Variants in SLC24A2 observed in about 807,000 individuals in gnomAD.
The protein encoded by SLC24A2 is solute carrier family 24 member 2.
SLC24A2 carries 36 observed loss-of-function variants against 62.0 expected under a neutral mutation model. The ratio of observed to expected loss-of-function variants is 0.58; its 90% CI spans 0.44 to 0.77. SLC24A2 has a LOEUF of 0.77. Among genes scored for constraint, SLC24A2 ranks in the 30% least tolerant of loss-of-function variants. The probability of loss-of-function intolerance (pLI) is 0.00; values close to 1 mark genes in which losing one functional copy is unlikely to be tolerated. For synonymous variants in SLC24A2, 358 were observed against 294.0 expected, an observed-to-expected ratio of 1.22 and a Z score of -2.23; for missense variants, 846 against 817.9, an observed-to-expected ratio of 1.03 and a Z score of -0.42.
chr9:20,157,308 G>A, the SLC24A2 span, among the ~76,000 whole-genome samples: 1 of 151,256 alleles, frequency 6.6e-6, no homozygotes, highest in East Asian at 2.0e-4. Flanking sequence ...TGAAAAAAAA[G>A]CCACGAATTT....
intron 2 of SLC24A2, among the ~76,000 whole-genome samples, chr9:19,695,828 C>T (rs1418447375): frequency 6.6e-6 from 1 of 151,892 alleles, no homozygotes. Context: ...AATACAGATA[C>T]ACTTCATAAA....
the SLC24A2 span, among the ~76,000 whole-genome samples, chr9:20,140,411 C>G: frequency 6.6e-6 from 1 of 152,184 alleles, no homozygotes; most frequent in Admixed American, 6.5e-5. Flanking sequence ...TGTGCCATAG[C>G]TGGGCACAGC....
chr9:20,027,533 G>A, the SLC24A2 span, among the ~76,000 whole-genome samples: 1 of 152,136 alleles, frequency 6.6e-6, no homozygotes, highest in Non-Finnish European at 1.5e-5. Flanking sequence ...ATTACGTTAA[G>A]TAAAATAAGC....
At chr9:19,801,194 GGTGAGTGTTT>G in the SLC24A2 span, among the ~76,000 whole-genome samples, 1 of 152,320 alleles carries the variant, frequency 6.6e-6, no homozygotes, top group East Asian at 1.9e-4. Flanking sequence ...TGGGCCATGC[GGTGAGTGTTT>G]TAGCTCTATT....
At chr9:20,273,107 T>C in the SLC24A2 span, among the ~76,000 whole-genome samples, 2 of 152,210 alleles carry the variant, frequency 1.3e-5, no homozygotes, top group African/African-American at 4.8e-5. Flanking sequence ...ACAGAGGATG[T>C]GGACAGCCCA....
the SLC24A2 span, among the ~76,000 whole-genome samples, chr9:20,118,548 T>A: frequency 3.3e-5 from 5 of 152,152 alleles, no homozygotes; most frequent in African/African-American, 1.2e-4. Flanking sequence ...TAAGTTTTTT[T>A]TTATTTTTTA....
chr9:20,100,147 G>C, the SLC24A2 span, among the ~76,000 whole-genome samples: 33 of 152,054 alleles, frequency 2.2e-4, no homozygotes. Flanking sequence ...CCATAGCTGG[G>C]ATGGCAGGCG....
At chr9:20,275,222 G>C in the SLC24A2 span, among the ~76,000 whole-genome samples, 1 of 152,148 alleles carries the variant, frequency 6.6e-6, no homozygotes, top group Non-Finnish European at 1.5e-5. Flanking sequence ...AACAAGTGAG[G>C]AGAGAGAAGA....
chr9:19,754,274 A>G (rs575415821), intron 2 of SLC24A2, among the ~76,000 whole-genome samples: 34 of 152,260 alleles, frequency 2.2e-4, no homozygotes, highest in African/African-American at 8.2e-4. Flanking sequence ...TCTAAGAGCC[A>G]GTCTCTTCCT....
intron 8 of SLC24A2, among the ~76,000 whole-genome samples, chr9:19,529,716 G>A (rs1475682941): frequency 6.6e-6 from 1 of 151,074 alleles, no homozygotes; most frequent in East Asian, 1.9e-4. Context: ...AAATAAAAAG[G>A]TAATCATTTT....
the SLC24A2 span, among the ~76,000 whole-genome samples, chr9:19,970,164 G>A: frequency 7.2e-5 from 11 of 152,276 alleles, no homozygotes; most frequent in Middle Eastern, 3.4e-3. Flanking sequence ...GATATGACCA[G>A]GTAGCTCCTT....
chr9:19,679,343 T>A (rs992458235), intron 2 of SLC24A2, among the ~76,000 whole-genome samples: 1 of 152,178 alleles, frequency 6.6e-6, no homozygotes, highest in African/African-American at 2.4e-5. Context: ...AAAACACACC[T>A]TCCTTAGAGG....
At chr9:19,609,489 C>T (rs1475126440) in intron 4 of SLC24A2, among the ~76,000 whole-genome samples, 1 of 152,190 alleles carries the variant, frequency 6.6e-6, no homozygotes, top group Non-Finnish European at 1.5e-5. Flanking sequence ...AAGTGTTGGA[C>T]ACTAGGACTG....
the SLC24A2 span, among the ~76,000 whole-genome samples, chr9:20,098,032 C>T: frequency 1.8e-3 from 270 of 152,022 alleles, 2 homozygotes; most frequent in African/African-American, 6.1e-3. Context: ...GGAGCCACCG[C>T]GCCTGGCCCG....
the SLC24A2 span, among the ~76,000 whole-genome samples, chr9:19,887,755 A>G: frequency 6.6e-6 from 1 of 152,170 alleles, no homozygotes; most frequent in Non-Finnish European, 1.5e-5. Flanking sequence ...TAAATATGGA[A>G]CCAGCCCAAA....
At chr9:20,135,495 G>A in the SLC24A2 span, among the ~76,000 whole-genome samples, 37 of 151,932 alleles carry the variant, frequency 2.4e-4, no homozygotes, top group Non-Finnish European at 5.3e-4. Context: ...TAATTGCAGA[G>A]AGCACTTAGC....
At chr9:20,080,406 G>T in the SLC24A2 span, among the ~76,000 whole-genome samples, 1 of 152,134 alleles carries the variant, frequency 6.6e-6, no homozygotes, top group African/African-American at 2.4e-5. Flanking sequence ...AATGGTGCTG[G>T]GAAAACTGGC....
At chr9:20,030,866 T>C in the SLC24A2 span, among the ~76,000 whole-genome samples, 2 of 152,102 alleles carry the variant, frequency 1.3e-5, no homozygotes, top group Non-Finnish European at 2.9e-5. Context: ...TATCCCTTAA[T>C]ATGTCATTCT....
At chr9:19,671,915 T>C (rs1819429559) in intron 2 of SLC24A2, among the ~76,000 whole-genome samples, 1 of 146,520 alleles carries the variant, frequency 6.8e-6, no homozygotes, top group African/African-American at 2.7e-5. Flanking sequence ...CAATTGATTA[T>C]GGTGGATTTT....
Sources: allele counts gnomAD v4.1 joint callset (sites outside exome capture counted in the v4.1 genomes callset), GRCh38; gene constraint gnomAD v4.1.1; transcripts MANE v1.5; gene names NCBI Gene and HGNC (gene_info 2026-07-23, HGNC 2026-07-21).